NCMAP: variants seen among roughly 807,000 people sequenced by gnomAD.
NCMAP encodes noncompact myelin-associated protein.
Under a neutral mutation model 7.8 loss-of-function variants are expected in NCMAP, and 8 were observed. The observed-to-expected ratio is 1.02, with a 90% CI of 0.60 to 1.84. NCMAP has a LOEUF of 1.84. Ranked by LOEUF, NCMAP falls within the 40% of genes most tolerant of loss-of-function variation. The pLI, the probability that NCMAP is intolerant of heterozygous loss-of-function variation, is 0.00. For missense variants in NCMAP, 112 were observed against 131.4 expected (o/e 0.85, Z 0.72); for synonymous variants, 41 against 52.9 (o/e 0.78, Z 0.98).
intron 3 of NCMAP, among the ~76,000 whole-genome samples, chr1:24,603,850 G>C (rs1652591747): frequency 6.6e-6 from 1 of 152,220 alleles, no homozygotes; most frequent in African/African-American, 2.4e-5. Context: ...CAATTGTTCT[G>C]TGAAGGGCTG....
intron 2 of NCMAP, among the ~76,000 whole-genome samples, chr1:24,597,080 C>G (rs1248177077): frequency 6.6e-6 from 1 of 152,142 alleles, no homozygotes; most frequent in Non-Finnish European, 1.5e-5. Context: ...ATGGGCTATC[C>G]TGCTGCTGGC....
chr1:24,573,669 G>A (rs1000804068), intron 1 of NCMAP, among the ~76,000 whole-genome samples: 8 of 150,436 alleles, frequency 5.3e-5, no homozygotes, highest in East Asian at 1.9e-4. Context: ...CAGGTGCAGC[G>A]GCTCACACCT....
At chr1:24,574,921 A>G (rs1224531947) in intron 1 of NCMAP, among the ~76,000 whole-genome samples, 2 of 145,764 alleles carry the variant, frequency 1.4e-5, no homozygotes, top group Non-Finnish European at 3.0e-5. Flanking sequence ...TCAGCCTCCC[A>G]AGTAGCTGGG....
At chr1:24,560,187 T>G (rs894242062) in intron 1 of NCMAP, among the ~76,000 whole-genome samples, 2 of 149,626 alleles carry the variant, frequency 1.3e-5, no homozygotes, top group African/African-American at 2.5e-5. Flanking sequence ...AAAAAAAAAT[T>G]TGTTTCCCTT....
At position 24,600,909 on chromosome 1, in the gene NCMAP, T is replaced by C. The variant is rs751497680; in HGVS notation, c.83-31T>C. 13 of 1,607,772 alleles carry C rather than the reference T, an allele frequency of 8.1e-6. No individual in the cohort carries two copies. In the East Asian group the frequency reaches 2.9e-4, roughly 36 times the overall value. Reference sequence around the variant, plus strand: ...TCCTGGTCTGCGTTCAGTTTGCACATTCACGGTCTCTGCTTCTCTCCTTTC... The same window carrying C: ...TCCTGGTCTGCGTTCAGTTTGCACACTCACGGTCTCTGCTTCTCTCCTTTC... On this transcript the variant is annotated intron_variant, in intron 2 of 3. Coordinates refer to ENST00000374392, the MANE Select transcript of NCMAP (RefSeq NM_001010980.5).
chr1:24,600,563 A>G (rs986827561), intron 2 of NCMAP, among the ~76,000 whole-genome samples: 4 of 152,140 alleles, frequency 2.6e-5, no homozygotes, highest in African/African-American at 9.7e-5. Context: ...TTTTTTGCAC[A>G]TATTTATATT....
At chr1:24,592,407 G>T (rs779277554) in intron 1 of NCMAP, among the ~76,000 whole-genome samples, 1 of 152,052 alleles carries the variant, frequency 6.6e-6, no homozygotes, top group Non-Finnish European at 1.5e-5. Flanking sequence ...TAGGTGCCAC[G>T]TTGATATTTA....
intron 1 of NCMAP, among the ~76,000 whole-genome samples, chr1:24,589,824 AT>A (rs1651995966): frequency 6.6e-6 from 1 of 151,956 alleles, no homozygotes; most frequent in Non-Finnish European, 1.5e-5. Flanking sequence ...TTATGTTTTT[AT>A]TTTTATTTTT....
At chr1:24,595,364 A>G in intron 1 of NCMAP, 60 bp from the exon 2 acceptor site, 1 of 1,197,066 alleles carries the variant, frequency 8.4e-7, no homozygotes, top group Non-Finnish European at 1.2e-6. Context: ...AAGAGGCATC[A>G]AGTAGCAATA....
chr1:24,597,703 G>A lies in NCMAP; in HGVS notation c.82+2191G>A, dbSNP rs116087589. On this transcript the variant is annotated intron_variant, in intron 2 of 3. Coordinates refer to ENST00000374392, the MANE Select transcript of NCMAP (RefSeq NM_001010980.5). ...AAAAGAAAGAAAGAAAGAGAAAGAA[G>A]GAAAGATTGGTTGGTTCTCAACTAG... Among the ~76,000 whole-genome samples the A allele has an allele frequency of 3.9e-3, 545 of 139,790 alleles. 16 individuals carry two copies. Among genetic ancestry groups the A allele is most frequent in the Middle Eastern group, 0.017 (4 of 232 alleles). The allele number at this position is 139,790 out of a possible 152,430, so 91.7% of individuals were successfully genotyped here.
intron 1 of NCMAP, among the ~76,000 whole-genome samples, chr1:24,588,224 G>A (rs1045425045): frequency 1.3e-5 from 2 of 152,098 alleles, no homozygotes; most frequent in African/African-American, 4.8e-5. Context: ...TATCATTACA[G>A]GTTCACATCA....
chr1:24,569,436 C>G (rs1651325495), intron 1 of NCMAP, among the ~76,000 whole-genome samples: 1 of 150,668 alleles, frequency 6.6e-6, no homozygotes, highest in Non-Finnish European at 1.5e-5. Context: ...CCCTCCTCCC[C>G]AGACTTCACT....
At position 24,566,737 on chromosome 1, in the gene NCMAP, A is replaced by G. The variant is rs535385559; in HGVS notation, c.-8+10568A>G. Among the ~76,000 whole-genome samples, 4 of 152,306 alleles carry G rather than the reference A, an allele frequency of 2.6e-5. No homozygotes were observed. In the South Asian group the frequency reaches 8.3e-4, roughly 32 times the overall value. On this transcript the variant is annotated intron_variant, in intron 1 of 3. Transcript: ENST00000374392. Reference sequence around the variant, plus strand: ...GGCTTCTATTCCTTCACAGTGACATATCCCAGCCCCACAATGGCATAAAAA... The same window carrying G: ...GGCTTCTATTCCTTCACAGTGACATGTCCCAGCCCCACAATGGCATAAAAA...
chr1:24,604,583 AAAAAAAAAAAAAAAAAAAAAAAATAT>A, intron 3 of NCMAP, among the ~76,000 whole-genome samples: 1 of 49,418 alleles, frequency 2.0e-5, no homozygotes, highest in African/African-American at 1.3e-4. Context: ...TAAAAAAAAA[AAAAAAAAAAAAAAAAAAAAAAAATAT>A]ATATATATAT....
chr1:24,603,491 C>A (rs749390736), intron 3 of NCMAP, among the ~76,000 whole-genome samples: 2 of 152,110 alleles, frequency 1.3e-5, no homozygotes, highest in African/African-American at 4.8e-5. Context: ...TTTTTTAGGT[C>A]GTAATCTGAA....
rs116505460 is a variant in NCMAP at position 24,559,691 on chromosome 1, G to A, written c.-8+3522G>A. On this transcript the variant is annotated intron_variant, in intron 1 of 3. Coordinates refer to ENST00000374392, the MANE Select transcript of NCMAP (RefSeq NM_001010980.5). ...ACATCTGAACTGTGGGGGCCCTTGC[G>A]GGGCTGGTACCTGCTTGGGGCCTCT... Among the ~76,000 whole-genome samples the A allele has an allele frequency of 7.2e-3, 1,089 of 152,286 alleles. 15 individuals carry two copies. Among genetic ancestry groups the A allele is most frequent in the African/African-American group, 0.025 (1,036 of 41,554 alleles).
chr1:24,574,813 TGAGACG>T (rs1177317024), intron 1 of NCMAP, among the ~76,000 whole-genome samples: 5 of 149,158 alleles, frequency 3.4e-5, no homozygotes, highest in South Asian at 4.3e-4. Flanking sequence ...TTTTTTTTTT[TGAGACG>T]GAGTCTCACA....
rs1340094570 is a variant in NCMAP at position 24,597,660 on chromosome 1, AAAGAAAG to A, written c.82+2151_82+2157del. On this transcript the variant is annotated intron_variant, in intron 2 of 3. Transcript: ENST00000374392. ...GAAAGAAAGAAAGAAAGAAAGAAAG[AAAGAAAG>A]AAAGAAAAGAAAAAGAAAGAAAGAA... Among the ~76,000 whole-genome samples, 36 of 135,540 alleles carry A rather than the reference AAAGAAAG, an allele frequency of 2.7e-4. 1 individual carries two copies. Among genetic ancestry groups the A allele is most frequent in the South Asian group, 1.3e-3 (5 of 3,872 alleles). 88.9% of individuals were successfully genotyped at this position (135,540 alleles called of 152,430 possible).
At chr1:24,572,459 TG>T (rs202072437) in intron 1 of NCMAP, among the ~76,000 whole-genome samples, 2,390 of 150,754 alleles carry the variant, frequency 0.016, 34 homozygotes, top group Non-Finnish European at 0.023. Context: ...GCACCTGCTA[TG>T]GTTTGTGGGT....
Sources: gnomAD v4.1 joint callset for allele counts (sites outside exome capture counted in the v4.1 genomes callset) on GRCh38, gnomAD v4.1.1 for gene constraint, MANE v1.5 for transcripts, NCBI Gene and HGNC (gene_info 2026-07-23, HGNC 2026-07-21) for gene names.